AGXT2: variants seen among roughly 807,000 people sequenced by gnomAD.
The protein encoded by AGXT2 is alanine--glyoxylate aminotransferase 2.
AGXT2 carries 61 observed loss-of-function variants against 62.5 expected under a neutral mutation model. That is an observed-to-expected ratio of 0.98 (90% confidence interval 0.79 to 1.21). AGXT2 has a LOEUF of 1.21. AGXT2 is among the 50% of genes most tolerant of loss of function. The pLI, the probability that AGXT2 is intolerant of heterozygous loss-of-function variation, is 0.00. For synonymous variants in AGXT2, 243 were observed against 218.7 expected (o/e 1.11, Z -0.98); for missense variants, 666 against 641.5 (o/e 1.04, Z -0.41).
chr5:35,023,307 A>C (rs1384426502), intron 9 of AGXT2, among the ~76,000 whole-genome samples: 2 of 152,304 alleles, frequency 1.3e-5, no homozygotes, highest in Non-Finnish European at 2.9e-5. Flanking sequence ...ACTATAGAAC[A>C]GTTGATAGGT....
intron 2 of AGXT2, 150 bp downstream of exon 2, chr5:35,040,425 A>T: frequency 2.7e-6 from 2 of 747,762 alleles, no homozygotes; most frequent in South Asian, 3.0e-5. Context: ...AGGGTTTCAG[A>T]TGCTTCCAAT....
intron 9 of AGXT2, among the ~76,000 whole-genome samples, chr5:35,015,870 AAAAG>A (rs1488804288): frequency 6.6e-6 from 1 of 151,316 alleles, no homozygotes; most frequent in African/African-American, 2.4e-5. Flanking sequence ...AAAAAAAAAA[AAAAG>A]AGTGAGCCTC....
Position 35,010,252 on chromosome 5 carries a change from A to G in AGXT2, c.1189-103T>C, listed in dbSNP as rs1345444496. 3 of 1,399,550 alleles carry G rather than the reference A, an allele frequency of 2.1e-6. No individual in the cohort carries two copies. In the East Asian group the frequency reaches 6.8e-5, roughly 32 times the overall value. 86.7% of individuals were successfully genotyped at this position (1,399,550 alleles called of 1,614,324 possible). On this transcript the variant is annotated intron_variant, in intron 11 of 13. Transcript: ENST00000231420. Reference sequence around the variant, plus strand: ...ACATGGCCCTCTTGTAACTTAACCAAACAGAATGCAGAACAAGTCTAGTGT... The same window carrying G: ...ACATGGCCCTCTTGTAACTTAACCAGACAGAATGCAGAACAAGTCTAGTGT...
chr5:35,019,913 T>C (rs1767001705), intron 9 of AGXT2, among the ~76,000 whole-genome samples: 1 of 152,124 alleles, frequency 6.6e-6, no homozygotes, highest in Non-Finnish European at 1.5e-5. Context: ...CCCACAGAAA[T>C]ACAAACTACC....
At chr5:35,034,314 C>A (rs13185264) in intron 5 of AGXT2, among the ~76,000 whole-genome samples, 41,544 of 151,972 alleles carry the variant, frequency 0.27, 6,171 homozygotes, top group Non-Finnish European at 0.34. Context: ...CTTACCTCGA[C>A]ACACATATTC....
chr5:35,010,222 A>T, intron 11 of AGXT2, 73 bp from the exon 12 acceptor site: 1 of 1,578,066 alleles, frequency 6.3e-7, no homozygotes, highest in East Asian at 2.2e-5. Flanking sequence ...TGGAGAAGTC[A>T]TTTGACATGG....
intron 12 of AGXT2, among the ~76,000 whole-genome samples, chr5:35,006,098 T>A (rs761082261): frequency 2.0e-5 from 3 of 152,222 alleles, no homozygotes; most frequent in Non-Finnish European, 4.4e-5. Context: ...CATCTTTCCA[T>A]GTCAGTATAT....
At chr5:35,030,948 G>A (rs1033439728) in intron 7 of AGXT2, among the ~76,000 whole-genome samples, 3 of 152,228 alleles carry the variant, frequency 2.0e-5, no homozygotes, top group African/African-American at 7.2e-5. Context: ...GTGCCGTGAT[G>A]GTGTTGGCAG....
chr5:35,012,803 A>T, intron 11 of AGXT2, 151 bp downstream of exon 11: 1 of 799,624 alleles, frequency 1.3e-6, no homozygotes, highest in South Asian at 1.5e-5. Flanking sequence ...GAGAAGGCAG[A>T]ATAATAAATG....
At position 35,005,974 on chromosome 5, in the gene AGXT2, G is replaced by A. The variant is rs560977340; in HGVS notation, c.1339-2113C>T. On this transcript the variant is annotated intron_variant, in intron 12 of 13. Coordinates refer to ENST00000231420, the MANE Select transcript of AGXT2 (RefSeq NM_031900.4). ...GGACACCTTCTATTGACAATTTGGT[G>A]TGAAACAGATACTTTTTCTATGCAT... Among the ~76,000 whole-genome samples the A allele has an allele frequency of 1.1e-4, 17 of 152,240 alleles. 1 individual carries two copies. In the South Asian group the frequency reaches 3.3e-3, roughly 30 times the overall value.
intron 11 of AGXT2, among the ~76,000 whole-genome samples, chr5:35,012,155 A>C (rs1328639579): frequency 6.6e-6 from 1 of 152,100 alleles, no homozygotes; most frequent in Non-Finnish European, 1.5e-5. Flanking sequence ...GTGACAGTGC[A>C]CTAAAGTCTC....
intron 4 of AGXT2, 61 bp from the exon 5 acceptor site, chr5:35,035,377 A>G (rs1231748057): frequency 6.9e-7 from 1 of 1,449,708 alleles, no homozygotes. Flanking sequence ...CATTCACTTA[A>G]AATTGCTGAA....
intron 9 of AGXT2, among the ~76,000 whole-genome samples, chr5:35,024,728 G>A (rs558627424): frequency 6.6e-6 from 1 of 152,270 alleles, no homozygotes; most frequent in African/African-American, 2.4e-5. Flanking sequence ...CAGCACTTTG[G>A]GACGCCAAGG....
chr5:35,022,763 GGAAAA>G (rs1767162336), intron 9 of AGXT2, among the ~76,000 whole-genome samples: 2 of 124,562 alleles, frequency 1.6e-5, no homozygotes, highest in South Asian at 2.6e-4. Context: ...AAAAAAAAAA[GGAAAA>G]GAAAAGAAAA....
At chr5:35,039,637 G>C in intron 2 of AGXT2, 129 bp from the exon 3 acceptor site, 2 of 894,620 alleles carry the variant, frequency 2.2e-6, no homozygotes, top group Non-Finnish European at 3.5e-6. Context: ...GCTCAGAAGT[G>C]CGTGTACTTA....
At chr5:35,045,728 A>T (rs1404012685) in intron 1 of AGXT2, among the ~76,000 whole-genome samples, 1 of 150,802 alleles carries the variant, frequency 6.6e-6, no homozygotes, top group African/African-American at 2.4e-5. Flanking sequence ...GATAGCATTC[A>T]GTCTAGGTAG....
At chr5:35,032,649 G>T (rs1234708475) in intron 7 of AGXT2, 83 bp downstream of exon 7, 3 of 1,235,526 alleles carry the variant, frequency 2.4e-6, no homozygotes, top group East Asian at 2.5e-5. Flanking sequence ...AAATTCAATT[G>T]TTCCCTCAGG....
At chr5:35,020,954 G>A (rs1017011737) in intron 9 of AGXT2, among the ~76,000 whole-genome samples, 81 of 152,238 alleles carry the variant, frequency 5.3e-4, no homozygotes, top group African/African-American at 1.9e-3. Context: ...GCCAAATCAT[G>A]AGTGAATTCC....
chr5:35,039,448 C>A lies in AGXT2; in HGVS notation c.238G>T (p.Ala80Ser), dbSNP rs867649192. ...AGCAGCAGGGGTTTCTGGAAATATG[C>A]CGTCACCACAGGAGAAAGATGTTCC... Reference protein sequence around the residue: ...HKEHLSPVVTAYFQKPLLLHQ... With the variant: ...HKEHLSPVVTSYFQKPLLLHQ... Residue 80 changes from alanine to serine, a missense_variant, in exon 3 of 14, where the codon GCA becomes TCA. Ala to Ser is a moderately conservative substitution (Grantham distance 99). Transcript: ENST00000231420. 6.2e-7 allele frequency: 1 copy of A among 1,614,078 alleles called. No homozygotes were observed.
Sources: gnomAD v4.1 joint callset for allele counts (sites outside exome capture counted in the v4.1 genomes callset) on GRCh38, gnomAD v4.1.1 for gene constraint, MANE v1.5 for transcripts, NCBI Gene and HGNC (gene_info 2026-07-23, HGNC 2026-07-21) for gene names.